TULP1: variants seen among roughly 807,000 people sequenced by gnomAD.
TULP1 encodes the protein TUB like protein 1.
Under a neutral mutation model 67.1 loss-of-function variants are expected in TULP1, and 50 were observed. That is an observed-to-expected ratio of 0.75 (90% CI 0.59 to 0.94). The LOEUF (loss-of-function observed/expected upper bound fraction) is 0.94. TULP1 is among the 40% of genes least tolerant of loss of function. The pLI is 0.00. For synonymous variants in TULP1, 297 were observed against 294.0 expected (o/e 1.01, Z -0.11); for missense variants, 746 against 734.1 (o/e 1.02, Z -0.19).
In TULP1 at chr6:35,509,427, GTTA is replaced by G. The variant is rs1761151504; in HGVS notation, c.719-118_719-116del. The stretch of plus-strand genomic sequence containing the variant: ...ACAACCACAAGAGAGTCGACCCCAT[GTTA>G]TTATTAGAGCCCAAAAAGGCTAAGA... On this transcript the variant is annotated intron_variant, in intron 7 of 14. Coordinates refer to ENST00000229771, the MANE Select transcript of TULP1 (RefSeq NM_003322.6). 8.6e-6 allele frequency: 10 copies of G among 1,162,478 alleles called. 1 individual carries two copies. In the South Asian group the frequency reaches 1.2e-4, roughly 14 times the overall value. The allele number at this position is 1,162,478 out of a possible 1,614,324, so 72.0% of individuals were successfully genotyped here.
At chr6:35,508,547 C>A (rs1254937481) in intron 8 of TULP1, among the ~76,000 whole-genome samples, 5 of 152,218 alleles carry the variant, frequency 3.3e-5, no homozygotes, top group Non-Finnish European at 5.9e-5. Context: ...TCCTTGAAGA[C>A]TTTTGTTACT....
At position 35,512,851 on chromosome 6, in the gene TULP1, A is replaced by G. The variant is rs1311186934; in HGVS notation, c.8T>C (p.Leu3Pro). 3 of 1,611,348 alleles carry G rather than the reference A, an allele frequency of 1.9e-6. No individual in the cohort carries two copies. Among genetic ancestry groups the G allele is most frequent in the African/African-American group, 2.7e-5 (2 of 74,706 alleles). Residue 3 changes from leucine (L) to proline (P), a missense_variant, in exon 1 of 15, where the codon CTG (leucine) becomes CCG (proline). Around this residue, in one of 3 missense-constraint regions of TULP1, gnomAD observed 359 missense variants for 341.9 expected, o/e 1.05. Transcript: ENST00000229771. MPLRDETLREVWA... is the reference protein window; with the variant it reads MPPRDETLREVWA... ...CACCTCTCGGAGGGTTTCATCCCGCAGAGGCATGGTGCCTTTGCCTATCGC... is the reference window on the plus strand; with the variant it reads ...CACCTCTCGGAGGGTTTCATCCCGCGGAGGCATGGTGCCTTTGCCTATCGC...
At chr6:35,510,340 G>A (rs534654069) in intron 5 of TULP1, among the ~76,000 whole-genome samples, 5 of 152,138 alleles carry the variant, frequency 3.3e-5, no homozygotes, top group Non-Finnish European at 5.9e-5. Context: ...CCTTCTAACC[G>A]AGCCTCTGAA....
At position 35,509,676 on chromosome 6, in the gene TULP1, C is replaced by T. The variant is rs148976432; in HGVS notation, c.676G>A (p.Val226Ile). The T allele has an allele frequency of 1.2e-6, 2 of 1,614,024 alleles. No homozygotes were observed. Among genetic ancestry groups the T allele is most frequent in the African/African-American group, 1.3e-5 (1 of 74,912 alleles). ...ARKSPAAMFL[V>I]GEGSPDKKAL... ...TTCTTGTCAGGACTGCCTTCCCCAA[C>T]CAGAAACATGGCTGCTGGGCTCTTC... Residue 226 changes from valine (V) to isoleucine (I), a missense_variant, in exon 7 of 15, where the codon GTT (valine) becomes ATT (isoleucine). Physicochemically the swap from Val to Ile is conservative, Grantham distance 29 (BLOSUM62 3). This residue lies in a region of TULP1 where 359 missense variants were observed against 341.9 expected (regional missense o/e 1.05). Transcript: ENST00000229771.
intron 8 of TULP1, among the ~76,000 whole-genome samples, 195 bp from the exon 9 acceptor site, chr6:35,506,474 C>T (rs191181473): frequency 5.7e-4 from 87 of 152,338 alleles, no homozygotes; most frequent in South Asian, 1.7e-3. Flanking sequence ...TGTCTAGGTT[C>T]AAATCCTAGT....
At chr6:35,499,874 G>T in intron 14 of TULP1, 107 bp downstream of exon 14, 2 of 1,389,726 alleles carry the variant, frequency 1.4e-6, no homozygotes, top group East Asian at 2.3e-5. Flanking sequence ...CAGCTCTCGG[G>T]ATAAAGGCTG....
intron 5 of TULP1, 184 bp downstream of exon 5, chr6:35,510,677 G>T: frequency 7.5e-7 from 1 of 1,334,248 alleles, no homozygotes; most frequent in Non-Finnish European, 1.0e-6. Context: ...AGGGGTGGAG[G>T]CATATATTGG....
At position 35,511,117 on chromosome 6, in the gene TULP1, G is replaced by T. The variant is rs1481104634; in HGVS notation, c.350-107C>A. The T allele has an allele frequency of 3.2e-6, 5 of 1,554,600 alleles. No individual in the cohort carries two copies. The African/African-American group carries it at 6.9e-5, about 21-fold the overall frequency. ...AAGTGGTGCATGGGCACCAGAAGGG[G>T]AGCCTGCCCTTCTGAAACAAGAACC... On this transcript the variant is annotated intron_variant, in intron 4 of 14. Coordinates refer to ENST00000229771, the MANE Select transcript of TULP1 (RefSeq NM_003322.6).
chr6:35,501,509 G>A (rs77110149), intron 13 of TULP1, among the ~76,000 whole-genome samples: 201 of 88,752 alleles, frequency 2.3e-3, no homozygotes, highest in Middle Eastern at 9.1e-3. Context: ...CTCGGTCTCA[G>A]AAAAAAAAAA....
chr6:35,510,813 G>C (rs1451884108), intron 5 of TULP1, 48 bp downstream of exon 5: 8 of 1,611,516 alleles, frequency 5.0e-6, no homozygotes, highest in South Asian at 4.4e-5. Context: ...TCCAAGGACA[G>C]GGCTGTTCTG....
rs1768743398 is a variant in TULP1, at chr6:35,498,235, C to T, written c.*92G>A. ...CAGCCCCGACACAGGAGCAGTTTTC[C>T]GCGGGAGCTTTGCTGGAGGGACCCT... On this transcript the variant is annotated 3_prime_UTR_variant, in exon 15 of 15. Coordinates refer to ENST00000229771, the MANE Select transcript of TULP1 (RefSeq NM_003322.6). This position sits in a 1 kb window ranked among gnomAD's most constrained non-coding sequence, Gnocchi z 6.7. 1.3e-6 allele frequency: 2 copies of T among 1,542,702 alleles called. No individual in the cohort carries two copies. The highest frequency in any genetic ancestry group is 1.7e-6 in the Non-Finnish European group (2 of 1,148,346).
chr6:35,498,403 T>C lies in TULP1; in HGVS notation c.1553A>G (p.Tyr518Cys). 6.2e-7 allele frequency: 1 copy of C among 1,613,842 alleles called. No individual in the cohort carries two copies. Among genetic ancestry groups the C allele is most frequent in the Non-Finnish European group, 8.5e-7 (1 of 1,180,002 alleles). The change falls in exon 15 of 15, where the codon TAC becomes TGC. Residue 518 changes from tyrosine (Y) to cysteine (C), a missense_variant. Coordinates refer to ENST00000229771, the MANE Select transcript of TULP1 (RefSeq NM_003322.6). This position sits in a 1 kb window ranked among gnomAD's most constrained non-coding sequence, Gnocchi z 6.7. ...RVAEDAFTLDYRYPLCALQAF... is the reference protein window; with the variant it reads ...RVAEDAFTLDCRYPLCALQAF... ...CTGCAGGGCGCACAGCGGGTACCGG[T>C]AGTCTAGGGTGAAGGCGTCCTCCGC...
In TULP1 at chr6:35,498,214, C is replaced by T. The variant is rs551687970; in HGVS notation, c.*113G>A. ...CACCGAGAGGCAGTGAGAGGTCAGC[C>T]CCGACACAGGAGCAGTTTTCCGCGG... is the stretch of plus-strand genomic sequence containing the variant. On this transcript the variant is annotated 3_prime_UTR_variant, in exon 15 of 15. Transcript: ENST00000229771. This position sits in a 1 kb window ranked among gnomAD's most constrained non-coding sequence, Gnocchi z 6.7. The T allele has an allele frequency of 6.7e-7, 1 of 1,500,154 alleles. No individual in the cohort carries two copies. The highest frequency in any genetic ancestry group is 8.9e-7 in the Non-Finnish European group (1 of 1,119,254). 92.9% of individuals were successfully genotyped at this position (1,500,154 alleles called of 1,614,324 possible). A position where few individuals can be genotyped will look rare whatever the true frequency, so the allele number is the denominator to read the frequency against.
chr6:35,502,386 A>G (rs1467844061), intron 13 of TULP1, among the ~76,000 whole-genome samples: 1 of 151,382 alleles, frequency 6.6e-6, no homozygotes, highest in African/African-American at 2.4e-5. Context: ...TAGAGACGGG[A>G]TTTTACCACG....
rs770773936 is a variant in TULP1 at position 35,511,692 on chromosome 6, G to A, written c.305C>T (p.Pro102Leu). The A allele has an allele frequency of 6.3e-7, 1 of 1,594,312 alleles. No homozygotes were observed. The highest frequency in any genetic ancestry group is 1.1e-5 in the South Asian group (1 of 87,570). Residue 102 changes from proline to leucine, a missense_variant, in exon 4 of 15, where the codon CCC becomes CTC. By Grantham distance (98) the Pro-to-Leu change is moderately conservative. Coordinates refer to ENST00000229771, the MANE Select transcript of TULP1 (RefSeq NM_003322.6). ...ACGGGCTACCAGAAAGGTTTCCCGG[G>A]GGTCGCGCTTCTTGGCCTCGGGGTC... Reference protein sequence around the residue: ...LRDPEAKKRDPRETFLVARAP... With the variant: ...LRDPEAKKRDLRETFLVARAP...
Position 35,509,695 on chromosome 6 carries a change from G to A in TULP1, c.657C>T (p.Ser219=). The A allele has an allele frequency of 6.2e-7, 1 of 1,613,982 alleles. No individual in the cohort carries two copies. The highest frequency in any genetic ancestry group is 1.1e-5 in the South Asian group (1 of 91,066). The change falls in exon 7 of 15, where the codon AGC becomes AGT. Residue 219 remains serine, a synonymous_variant. Transcript: ENST00000229771. The part of the protein sequence containing the change: ...PSGSPASARK[S]PAAMFLVGEG... ...CCCCAACCAGAAACATGGCTGCTGG[G>A]CTCTTCCTCGCACTGGCTGGGCTCC...
At chr6:35,505,183 C>T (rs1362033814) in intron 11 of TULP1, among the ~76,000 whole-genome samples, 4 of 152,148 alleles carry the variant, frequency 2.6e-5, no homozygotes, top group Non-Finnish European at 2.9e-5. Flanking sequence ...GTGATCCACC[C>T]GCCTTGGCCT....
chr6:35,504,781 T>C (rs918621224), intron 11 of TULP1, among the ~76,000 whole-genome samples: 1 of 151,162 alleles, frequency 6.6e-6, no homozygotes, highest in Non-Finnish European at 1.5e-5. Context: ...TTAGCCAGGG[T>C]GGTCTTGATC....
Position 35,505,759 on chromosome 6 carries a change from T to C in TULP1, c.1094A>G (p.Asn365Ser). 1 of 1,614,030 alleles carries C rather than the reference T, an allele frequency of 6.2e-7. No homozygotes were observed. Among genetic ancestry groups the C allele is most frequent in the Admixed American group, 1.7e-5 (1 of 60,002 alleles). Reference protein sequence around the residue: ...DPTNLSRGGENFIGKLRSNLL... With the variant: ...DPTNLSRGGESFIGKLRSNLL... The stretch of plus-strand genomic sequence containing the variant: ...GCCCCACCTCAGCTTCCCGATGAAA[T>C]TCTCCCCTCCTCGGGACAGATTGGT... The change falls in exon 11 of 15, where the codon AAT (asparagine) becomes AGT (serine). Residue 365 changes from asparagine to serine, a missense_variant. By Grantham distance (46) the Asn-to-Ser change is conservative. Transcript: ENST00000229771.
Sources: allele counts gnomAD v4.1 joint callset (sites outside exome capture counted in the v4.1 genomes callset), GRCh38; gene constraint gnomAD v4.1.1; regional missense constraint gnomAD v4.1.1; non-coding constraint Gnocchi (gnomAD v3.1); transcripts MANE v1.5; gene names NCBI Gene and HGNC (gene_info 2026-07-23, HGNC 2026-07-21).